The following TTLL11 variants were observed in gnomAD, a reference collection of about 807,000 sequenced individuals.
The protein encoded by TTLL11 is tubulin polyglutamylase TTLL11.
Under a neutral mutation model 51.7 loss-of-function variants are expected in TTLL11, and 42 were observed. The observed-to-expected ratio is 0.81, with a 90% confidence interval of 0.64 to 1.05. TTLL11 has a LOEUF of 1.05. Among genes scored for constraint, TTLL11 ranks in the 50% least tolerant of loss-of-function variants. TTLL11 has a pLI of 0.00. For missense variants in TTLL11, 799 were observed against 940.4 expected (o/e 0.85, Z 1.97); for synonymous variants, 381 against 383.5 (o/e 0.99, Z 0.08).
At chr9:121,915,565 T>A (rs936279854) in intron 6 of TTLL11, among the ~76,000 whole-genome samples, 1 of 152,214 alleles carries the variant, frequency 6.6e-6, no homozygotes, top group African/African-American at 2.4e-5. Context: ...AATCAGAAAC[T>A]TTTGTGCTAT....
In TTLL11 at chr9:121,974,860, C is replaced by T. The variant is rs1312349255; in HGVS notation, c.1365+24G>A. 2.7e-6 allele frequency: 4 copies of T among 1,504,032 alleles called. No individual in the cohort carries two copies. In the South Asian group the frequency reaches 5.0e-5, roughly 19 times the overall value. 93.2% of individuals were successfully genotyped at this position (1,504,032 alleles called of 1,614,324 possible). ...ATATTCAGCTGTATGGCAACATAGT[C>T]AATGAGATGCTCAAAATACTTACTT... On this transcript the variant is annotated intron_variant, in intron 5 of 8. Coordinates refer to ENST00000321582, the MANE Select transcript of TTLL11 (RefSeq NM_001139442.2).
chr9:122,032,602 C>A lies in TTLL11; in HGVS notation c.560-746G>T, dbSNP rs549760963. Among the ~76,000 whole-genome samples the A allele has an allele frequency of 2.2e-3, 325 of 148,326 alleles. 3 individuals carry two copies. Among genetic ancestry groups the A allele is most frequent in the African/African-American group, 7.6e-3 (307 of 40,200 alleles). ...GGCGGAGCTTGCAATGAGCCAAGATCGAGCCACTGCACTCCAGTCTGGGCA... is the reference window on the plus strand; with the variant it reads ...GGCGGAGCTTGCAATGAGCCAAGATAGAGCCACTGCACTCCAGTCTGGGCA... On this transcript the variant is annotated intron_variant, in intron 2 of 8. Transcript: ENST00000321582.
chr9:122,093,089 A>AGCCACC lies in TTLL11; in HGVS notation c.54_59dup (p.Val19_Ala20dup). 1 of 1,503,078 alleles carries AGCCACC rather than the reference A, an allele frequency of 6.7e-7. No individual in the cohort carries two copies. Among genetic ancestry groups the AGCCACC allele is most frequent in the Non-Finnish European group, 8.8e-7 (1 of 1,133,334 alleles). 93.1% of individuals were successfully genotyped at this position (1,503,078 alleles called of 1,614,324 possible). On this transcript the variant is annotated inframe_insertion, in exon 1 of 9. Coordinates refer to ENST00000321582, the MANE Select transcript of TTLL11 (RefSeq NM_001139442.2). Reference sequence around the variant, plus strand: ...CAGCTTTGGCCGCCGCTTTGGCCGCAGCCACCGCCTCCGCCTCCCACCGGG... The same window carrying AGCCACC: ...CAGCTTTGGCCGCCGCTTTGGCCGCAGCCACCGCCACCGCCTCCGCCTCCCACCGGG...
At chr9:121,872,226 C>G (rs947290747) in intron 6 of TTLL11, among the ~76,000 whole-genome samples, 2 of 152,226 alleles carry the variant, frequency 1.3e-5, no homozygotes, top group Non-Finnish European at 2.9e-5. Flanking sequence ...CCGTGGCTGG[C>G]TGGCACACTT....
intron 1 of TTLL11, among the ~76,000 whole-genome samples, chr9:122,060,167 C>T (rs928389315): frequency 2.6e-5 from 4 of 152,120 alleles, no homozygotes; most frequent in African/African-American, 4.8e-5. Context: ...CAGGGTCCAC[C>T]CACACTCAAA....
At chr9:122,044,814 T>C (rs966252957) in intron 1 of TTLL11, among the ~76,000 whole-genome samples, 1 of 152,156 alleles carries the variant, frequency 6.6e-6, no homozygotes, top group Non-Finnish European at 1.5e-5. Context: ...TTAGGATAAC[T>C]ATTATCAAAA....
intron 3 of TTLL11, among the ~76,000 whole-genome samples, chr9:122,017,867 G>C (rs546931765): frequency 2.0e-5 from 3 of 152,098 alleles, no homozygotes; most frequent in Admixed American, 6.6e-5. Flanking sequence ...GAAAAGAATG[G>C]ATAGAATAAT....
intron 6 of TTLL11, among the ~76,000 whole-genome samples, chr9:121,951,335 C>A (rs1043549743): frequency 6.6e-6 from 1 of 152,132 alleles, no homozygotes; most frequent in African/African-American, 2.4e-5. Context: ...ACATGCATAA[C>A]AAGCCACCAG....
At chr9:122,070,559 C>T (rs941724237) in intron 1 of TTLL11, among the ~76,000 whole-genome samples, 20 of 152,176 alleles carry the variant, frequency 1.3e-4, no homozygotes, top group Admixed American at 3.3e-4. Flanking sequence ...AGAATCACAA[C>T]CTGATTCATC....
intron 6 of TTLL11, among the ~76,000 whole-genome samples, chr9:121,949,548 A>G (rs1429411628): frequency 6.6e-6 from 1 of 152,112 alleles, no homozygotes; most frequent in African/African-American, 2.4e-5. Flanking sequence ...CTTGCAAGAA[A>G]TGCAGATTCA....
intron 3 of TTLL11, among the ~76,000 whole-genome samples, chr9:122,023,198 C>G (rs924701152): frequency 6.6e-6 from 1 of 151,778 alleles, no homozygotes; most frequent in South Asian, 2.1e-4. Context: ...CAAGTGAAAA[C>G]TTAGAAAAAG....
chr9:122,005,823 G>A (rs993904185), intron 3 of TTLL11, among the ~76,000 whole-genome samples: 1 of 152,304 alleles, frequency 6.6e-6, no homozygotes, highest in Non-Finnish European at 1.5e-5. Flanking sequence ...GAAATTTCCA[G>A]GGGTGTTTCT....
In TTLL11 at chr9:121,989,925, C is replaced by T. The variant is rs978799958; in HGVS notation, c.694-155G>A. 1.3e-5 allele frequency among the ~76,000 whole-genome samples: 2 copies of T among 152,214 alleles called. No homozygotes were observed. The highest frequency in any genetic ancestry group is 4.8e-5 in the African/African-American group (2 of 41,458). ...AGCATCTTCCATGGAGATGACACTG[C>T]ACAAGGTACTGAGATGGTGACATCA... On this transcript the variant is annotated intron_variant, in intron 3 of 8. Transcript: ENST00000321582. This position sits in a 1 kb window ranked among gnomAD's most constrained non-coding sequence, Gnocchi z 4.2.
chr9:122,051,936 A>C (rs975957670), intron 1 of TTLL11, among the ~76,000 whole-genome samples: 2 of 152,188 alleles, frequency 1.3e-5, no homozygotes, highest in African/African-American at 4.8e-5. Flanking sequence ...AAAATCATAA[A>C]AGAAAAAACA....
chr9:121,957,927 C>T (rs7867048), intron 6 of TTLL11, among the ~76,000 whole-genome samples: 126 of 152,070 alleles, frequency 8.3e-4, no homozygotes, highest in African/African-American at 2.7e-3. Flanking sequence ...AGGAGGCTAA[C>T]GCTTCAGTTT....
chr9:122,093,039 A>G lies in TTLL11; in HGVS notation c.110T>C (p.Val37Ala), dbSNP rs1427022629. 27 of 1,522,214 alleles carry G rather than the reference A, an allele frequency of 1.8e-5. No homozygotes were observed. Among genetic ancestry groups the G allele is most frequent in the Middle Eastern group, 4.1e-4 (2 of 4,934 alleles). The allele number at this position is 1,522,214 out of a possible 1,614,324, so 94.3% of individuals were successfully genotyped here. A position where few individuals can be genotyped will look rare whatever the true frequency, so the allele number is the denominator to read the frequency against. Residue 37 changes from valine to alanine, a missense_variant, in exon 1 of 9, where the codon GTG (valine) becomes GCG (alanine). Physicochemically the swap from Val to Ala is moderately conservative, Grantham distance 64. This residue lies in a region of TTLL11 where 166 missense variants were observed against 161.6 expected (regional missense o/e 1.03). Coordinates refer to ENST00000321582, the MANE Select transcript of TTLL11 (RefSeq NM_001139442.2). Reference sequence around the variant, plus strand: ...CGCGTCCACGCGGACCTGTTCCGCCACCGTCTCCGCTGTGGCCTCGGCCTC... The same window carrying G: ...CGCGTCCACGCGGACCTGTTCCGCCGCCGTCTCCGCTGTGGCCTCGGCCTC... ...KAEAEATAET[V>A]AEQVRVDAGA...
intron 6 of TTLL11, among the ~76,000 whole-genome samples, chr9:121,969,147 G>C (rs1254204713): frequency 6.6e-6 from 1 of 152,170 alleles, no homozygotes; most frequent in African/African-American, 2.4e-5. Context: ...TGGGATTACA[G>C]GTGTGAGCCA....
chr9:121,907,262 CA>C (rs561699288), intron 6 of TTLL11, among the ~76,000 whole-genome samples: 74 of 152,068 alleles, frequency 4.9e-4, no homozygotes, highest in African/African-American at 1.8e-3. Flanking sequence ...CCAGCCTGAC[CA>C]ACATGGTGAA....
intron 6 of TTLL11, among the ~76,000 whole-genome samples, chr9:121,882,656 A>C (rs1326121682): frequency 2.0e-5 from 3 of 151,710 alleles, no homozygotes; most frequent in Non-Finnish European, 2.9e-5. Context: ...GTTCTTATTC[A>C]CAAACTCGAT....
Sources: gnomAD v4.1 joint callset for allele counts (sites outside exome capture counted in the v4.1 genomes callset) on GRCh38, gnomAD v4.1.1 for gene constraint, gnomAD v4.1.1 regional missense constraint, Gnocchi (gnomAD v3.1) non-coding constraint, MANE v1.5 for transcripts, NCBI Gene and HGNC (gene_info 2026-07-23, HGNC 2026-07-21) for gene names.